The following TYR variants were observed in gnomAD, a reference collection of about 807,000 sequenced individuals.
The protein encoded by TYR is tyrosinase.
Under a neutral mutation model 51.5 loss-of-function variants are expected in TYR, and 58 were observed. The ratio of observed to expected loss-of-function variants is 1.13; its 90% confidence interval spans 0.91 to 1.40. The LOEUF (loss-of-function observed/expected upper bound fraction) is 1.40, where lower values mean the gene tolerates loss of function less well. Among genes scored for constraint, TYR ranks in the 40% most tolerant of loss-of-function variants. The probability of loss-of-function intolerance (pLI) is 0.00; values close to 1 mark genes in which losing one functional copy is unlikely to be tolerated. For missense variants in TYR, 732 were observed against 647.4 expected (o/e 1.13, Z -1.42); for synonymous variants, 263 against 235.2 (o/e 1.12, Z -1.08).
intron 2 of TYR, among the ~76,000 whole-genome samples, chr11:89,202,622 T>TACCCACACACACACACAC (rs1555086931): frequency 7.1e-6 from 1 of 141,280 alleles, no homozygotes; most frequent in Non-Finnish European, 1.5e-5. Flanking sequence ...ATTTTCATAA[T>TACCCACACACACACACAC]ACACACACAC....
chr11:89,208,362 T>C (rs1210665832), intron 2 of TYR, among the ~76,000 whole-genome samples: 1 of 152,216 alleles, frequency 6.6e-6, no homozygotes, highest in Non-Finnish European at 1.5e-5. Flanking sequence ...AAAAGACGTA[T>C]TAGGAACCCT....
intron 3 of TYR, among the ~76,000 whole-genome samples, chr11:89,232,975 A>G (rs1012626135): frequency 7.0e-6 from 1 of 142,588 alleles, no homozygotes; most frequent in Admixed American, 6.9e-5. Context: ...AATAAGACAA[A>G]AAGGAAATTT....
Position 89,177,978 on chromosome 11 carries a change from C to T in TYR, c.25C>T (p.Leu9=). 6.2e-7 allele frequency: 1 copy of T among 1,614,182 alleles called. No individual in the cohort carries two copies. The highest frequency in any genetic ancestry group is 1.1e-5 in the South Asian group (1 of 91,088). The change falls in exon 1 of 5, where the codon CTG becomes TTG. Residue 9 remains leucine (L), a synonymous_variant. Coordinates refer to ENST00000263321, the MANE Select transcript of TYR (RefSeq NM_000372.5). ...AATGCTCCTGGCTGTTTTGTACTGC[C>T]TGCTGTGGAGTTTCCAGACCTCCGC... MLLAVLYC[L]LWSFQTSAGH... is the part of the protein sequence containing the mutation.
At chr11:89,230,117 T>G (rs1321103416) in intron 3 of TYR, among the ~76,000 whole-genome samples, 1 of 152,034 alleles carries the variant, frequency 6.6e-6, no homozygotes, top group Non-Finnish European at 1.5e-5. Flanking sequence ...AGCATCATAT[T>G]TCCTGATTTC....
chr11:89,250,541 C>G (rs1032530001), intron 3 of TYR, among the ~76,000 whole-genome samples: 9 of 151,942 alleles, frequency 5.9e-5, no homozygotes, highest in Non-Finnish European at 1.0e-4. Flanking sequence ...GACTAGGTGG[C>G]TTAAAAAACA....
At chr11:89,218,498 T>G (rs1709764262) in intron 2 of TYR, among the ~76,000 whole-genome samples, 2 of 152,112 alleles carry the variant, frequency 1.3e-5, no homozygotes, top group African/African-American at 4.8e-5. Context: ...TCAAAGAAAT[T>G]TTTATGGATG....
chr11:89,294,633 A>G lies in TYR; in HGVS notation c.1367-510A>G, dbSNP rs1170984367. 2.6e-5 allele frequency among the ~76,000 whole-genome samples: 4 copies of G among 152,352 alleles called. No individual in the cohort carries two copies. In the East Asian group the frequency reaches 7.7e-4, roughly 29 times the overall value. On this transcript the variant is annotated intron_variant, in intron 4 of 4. Transcript: ENST00000263321. Reference sequence around the variant, plus strand: ...TGCCCATGCGCCAAAATCTGTTTCAAGATTTAAGACTGTGACCTCTGTGAA... The same window carrying G: ...TGCCCATGCGCCAAAATCTGTTTCAGGATTTAAGACTGTGACCTCTGTGAA...
At chr11:89,270,466 T>C (rs1436799417) in intron 3 of TYR, among the ~76,000 whole-genome samples, 1 of 151,868 alleles carries the variant, frequency 6.6e-6, no homozygotes, top group Admixed American at 6.6e-5. Flanking sequence ...TAGCTCTTTG[T>C]AAGACAAGCA....
chr11:89,270,404 C>G (rs1271391297), intron 3 of TYR, among the ~76,000 whole-genome samples: 1 of 151,880 alleles, frequency 6.6e-6, no homozygotes, highest in Non-Finnish European at 1.5e-5. Flanking sequence ...GCATGAAGGG[C>G]CCTTCTCTGC....
intron 3 of TYR, among the ~76,000 whole-genome samples, chr11:89,280,982 G>A (rs1944715160): frequency 6.6e-6 from 1 of 151,658 alleles, no homozygotes; most frequent in Non-Finnish European, 1.5e-5. Context: ...AGCTCTTTTA[G>A]CTGTAATCCA....
chr11:89,257,490 T>C (rs1225979020), intron 3 of TYR, among the ~76,000 whole-genome samples: 1 of 150,664 alleles, frequency 6.6e-6, no homozygotes, highest in Non-Finnish European at 1.5e-5. Context: ...ACTTCAAATT[T>C]TGTCATGGTT....
At chr11:89,268,147 C>T (rs1049235716) in intron 3 of TYR, among the ~76,000 whole-genome samples, 3 of 151,852 alleles carry the variant, frequency 2.0e-5, no homozygotes, top group African/African-American at 7.3e-5. Context: ...CTGTAAAATA[C>T]AAGTATAACA....
intron 3 of TYR, among the ~76,000 whole-genome samples, chr11:89,258,669 A>G (rs1565415269): frequency 6.6e-6 from 1 of 152,136 alleles, no homozygotes; most frequent in Non-Finnish European, 1.5e-5. Flanking sequence ...TTTAAGAAAA[A>G]CAAAGTATTT....
chr11:89,240,657 T>C (rs1458719750), intron 3 of TYR, among the ~76,000 whole-genome samples: 3 of 152,138 alleles, frequency 2.0e-5, no homozygotes, highest in African/African-American at 7.2e-5. Flanking sequence ...TCTTATACAG[T>C]AGTACTATCT....
At chr11:89,227,782 TTAAAG>T (rs1162700420) in intron 2 of TYR, 36 bp from the exon 3 acceptor site, 14 of 1,578,020 alleles carry the variant, frequency 8.9e-6, no homozygotes, top group Non-Finnish European at 1.2e-5. Flanking sequence ...TTTTCAGTCA[TTAAAG>T]TAAACATATT....
chr11:89,181,655 T>G (rs1032291484), intron 1 of TYR, among the ~76,000 whole-genome samples: 12 of 152,140 alleles, frequency 7.9e-5, no homozygotes, highest in African/African-American at 2.9e-4. Flanking sequence ...TTTGAGAGAT[T>G]TGATAGCATT....
At chr11:89,210,929 A>C (rs764996753) in intron 2 of TYR, among the ~76,000 whole-genome samples, 4 of 152,228 alleles carry the variant, frequency 2.6e-5, no homozygotes, top group Admixed American at 6.5e-5. Context: ...TTTTGTCACC[A>C]TCAGGCCTGC....
chr11:89,281,480 G>A (rs1209673147), intron 3 of TYR, among the ~76,000 whole-genome samples: 1 of 151,636 alleles, frequency 6.6e-6, no homozygotes, highest in East Asian at 2.0e-4. Flanking sequence ...CAGCACCCAG[G>A]AATTTCCCAC....
Position 89,178,708 on chromosome 11 carries a change from T to C in TYR, c.755T>C (p.Met252Thr). The C allele has an allele frequency of 6.2e-7, 1 of 1,614,110 alleles. No homozygotes were observed. The highest frequency in any genetic ancestry group is 8.5e-7 in the Non-Finnish European group (1 of 1,180,012). ...EKCDICTDEY[M>T]GGQHPTNPNL... is the part of the protein sequence containing the mutation. ...TGTGACATTTGCACAGATGAGTACA[T>C]GGGAGGTCAGCACCCCACAAATCCT... The change falls in exon 1 of 5, where the codon ATG (methionine) becomes ACG (threonine). Residue 252 changes from methionine to threonine, a missense_variant. Met to Thr is a moderately conservative substitution (Grantham distance 81, BLOSUM62 -1). Transcript: ENST00000263321.
Sources: allele counts gnomAD v4.1 joint callset (sites outside exome capture counted in the v4.1 genomes callset), GRCh38; gene constraint gnomAD v4.1.1; transcripts MANE v1.5; gene names NCBI Gene and HGNC (gene_info 2026-07-23, HGNC 2026-07-21).